The following RASGEF1C variants were observed in gnomAD, a reference collection of about 807,000 sequenced individuals.
RASGEF1C encodes ras-GEF domain-containing family member 1C.
RASGEF1C carries 27 observed loss-of-function variants against 58.1 expected under a neutral mutation model. The ratio of observed to expected loss-of-function variants is 0.46; its 90% CI spans 0.34 to 0.64. RASGEF1C has a LOEUF of 0.64. Among genes scored for constraint, RASGEF1C ranks in the 30% least tolerant of loss-of-function variants. The pLI is 0.01. For missense variants in RASGEF1C, 502 were observed against 605.1 expected (o/e 0.83, Z 1.79); for synonymous variants, 243 against 246.3 (o/e 0.99, Z 0.13).
chr5:180,138,247 A>G (rs763400820), intron 1 of RASGEF1C, 189 bp from the exon 2 acceptor site: 83 of 456,600 alleles, frequency 1.8e-4, no homozygotes, highest in Non-Finnish European at 1.5e-4. Flanking sequence ...CACAGCCTTC[A>G]TTCTCCGTCT....
intron 1 of RASGEF1C, among the ~76,000 whole-genome samples, chr5:180,186,747 A>T (rs1420923680): frequency 6.6e-6 from 1 of 152,176 alleles, no homozygotes; most frequent in African/African-American, 2.4e-5. Context: ...GGGCTGGATC[A>T]GTTGAGGTCA....
At position 180,151,971 on chromosome 5, in the gene RASGEF1C, C is replaced by G. The variant is rs550048924; in HGVS notation, c.-6-13913G>C. On this transcript the variant is annotated intron_variant, in intron 1 of 13. Transcript: ENST00000361132. ...CAGCCAAAAGACACATGAAAAAATGCTCATCATCACTGGCTATCAGAGAAA... is the reference window on the plus strand; with the variant it reads ...CAGCCAAAAGACACATGAAAAAATGGTCATCATCACTGGCTATCAGAGAAA... Among the ~76,000 whole-genome samples, 13 of 151,038 alleles carry G rather than the reference C, an allele frequency of 8.6e-5. 1 individual carries two copies. The highest frequency in any genetic ancestry group is 3.1e-4 in the African/African-American group (13 of 41,516).
At chr5:180,181,973 A>G (rs1283199115) in intron 1 of RASGEF1C, among the ~76,000 whole-genome samples, 1 of 150,984 alleles carries the variant, frequency 6.6e-6, no homozygotes, top group Non-Finnish European at 1.5e-5. Context: ...GGAGGCCGAG[A>G]CGGGCGGATC....
At chr5:180,130,572 C>G (rs946605547) in intron 4 of RASGEF1C, among the ~76,000 whole-genome samples, 1 of 152,228 alleles carries the variant, frequency 6.6e-6, no homozygotes, top group African/African-American at 2.4e-5. Context: ...GGCTGCCACT[C>G]CCATCAGTCA....
rs184006380 is a variant in RASGEF1C, at chr5:180,135,777, T to A, written c.438+601A>T. 2.4e-4 allele frequency among the ~76,000 whole-genome samples: 37 copies of A among 152,360 alleles called. No individual in the cohort carries two copies. The South Asian group carries it at 6.2e-3, about 26-fold the overall frequency. ...GGTTCCTGAGGGCAAGGGCCGTGTTTACCTGGTGTGGTTTAACTGCAGGGG... is the reference window on the plus strand; with the variant it reads ...GGTTCCTGAGGGCAAGGGCCGTGTTAACCTGGTGTGGTTTAACTGCAGGGG... On this transcript the variant is annotated intron_variant, in intron 4 of 13. Coordinates refer to ENST00000361132, the MANE Select transcript of RASGEF1C (RefSeq NM_175062.4).
intron 1 of RASGEF1C, among the ~76,000 whole-genome samples, chr5:180,175,242 G>A (rs1581120803): frequency 1.3e-5 from 2 of 152,192 alleles, no homozygotes; most frequent in South Asian, 4.1e-4. Context: ...CCCAGCGCCG[G>A]GGAAAGGCGT....
At chr5:180,116,973 G>T (rs1232177329) in intron 10 of RASGEF1C, among the ~76,000 whole-genome samples, 1 of 152,250 alleles carries the variant, frequency 6.6e-6, no homozygotes, top group African/African-American at 2.4e-5. Flanking sequence ...CTGCTGATCT[G>T]GGAATTGGCA....
intron 4 of RASGEF1C, among the ~76,000 whole-genome samples, chr5:180,133,770 C>T (rs1325939951): frequency 2.0e-5 from 3 of 151,500 alleles, no homozygotes; most frequent in Non-Finnish European, 2.9e-5. Flanking sequence ...GCATGGTAAC[C>T]ATTCTTCACT....
rs954795913 is a variant in RASGEF1C, at chr5:180,155,911, C to A, written c.-6-17853G>T. Reference sequence around the variant, plus strand: ...GGAGTCCTGGCCAAGAGGGCACTGTCCCCCCCTCACTGCTGAGCAAGCAAG... The same window carrying A: ...GGAGTCCTGGCCAAGAGGGCACTGTACCCCCCTCACTGCTGAGCAAGCAAG... On this transcript the variant is annotated intron_variant, in intron 1 of 13. Coordinates refer to ENST00000361132, the MANE Select transcript of RASGEF1C (RefSeq NM_175062.4). This position sits in a 1 kb window ranked among gnomAD's most constrained non-coding sequence, Gnocchi z 5.2. Among the ~76,000 whole-genome samples the A allele has an allele frequency of 3.3e-5, 5 of 152,058 alleles. No homozygotes were observed. Among genetic ancestry groups the A allele is most frequent in the Non-Finnish European group, 7.4e-5 (5 of 68,000 alleles).
rs773606879 is a variant in RASGEF1C, at chr5:180,198,383, C to A, written c.-7+10645G>T. Among the ~76,000 whole-genome samples the A allele has an allele frequency of 1.3e-5, 2 of 152,224 alleles. No homozygotes were observed. The highest frequency in any genetic ancestry group is 2.9e-5 in the Non-Finnish European group (2 of 68,038). On this transcript the variant is annotated intron_variant, in intron 1 of 13. Transcript: ENST00000361132. This position sits in a 1 kb window ranked among gnomAD's most constrained non-coding sequence, Gnocchi z 4.5. Reference sequence around the variant, plus strand: ...TCTGGTGTCTGAGGCCCAGAGCAATCCTAGGACTGTAAGAGTCTCCCAGAG... The same window carrying A: ...TCTGGTGTCTGAGGCCCAGAGCAATACTAGGACTGTAAGAGTCTCCCAGAG...
rs548656422 is a variant in RASGEF1C at position 180,111,956 on chromosome 5, G to T, written c.1180-376C>A. On this transcript the variant is annotated intron_variant, in intron 11 of 13. Coordinates refer to ENST00000361132, the MANE Select transcript of RASGEF1C (RefSeq NM_175062.4). Reference sequence around the variant, plus strand: ...CACATGTATTTAATTTTTAAAAAAGGTGCCAACTTTAAATAAAGAGCAGTG... The same window carrying T: ...CACATGTATTTAATTTTTAAAAAAGTTGCCAACTTTAAATAAAGAGCAGTG... Among the ~76,000 whole-genome samples, 3 of 152,204 alleles carry T rather than the reference G, an allele frequency of 2.0e-5. No homozygotes were observed. In the East Asian group the frequency reaches 5.8e-4, roughly 29 times the overall value.
intron 1 of RASGEF1C, among the ~76,000 whole-genome samples, chr5:180,144,522 C>T (rs893890843): frequency 1.9e-4 from 29 of 152,016 alleles, no homozygotes; most frequent in South Asian, 8.3e-4. Flanking sequence ...ACCTGTAGTC[C>T]GAGCTACTTG....
rs1244052757 is a variant in RASGEF1C at position 180,158,740 on chromosome 5, C to T, written c.-6-20682G>A. ...CACAAGGACGCACCTTGACACGGGC[C>T]TTTCTATGTCCCTCGTGTGGAGCAC... is the stretch of plus-strand genomic sequence containing the variant. On this transcript the variant is annotated intron_variant, in intron 1 of 13. Coordinates refer to ENST00000361132, the MANE Select transcript of RASGEF1C (RefSeq NM_175062.4). The surrounding 1 kb of genome is among the most constrained non-coding windows in gnomAD (Gnocchi z 4.0). Among the ~76,000 whole-genome samples, 1 of 152,180 alleles carries T rather than the reference C, an allele frequency of 6.6e-6. No individual in the cohort carries two copies. The highest frequency in any genetic ancestry group is 2.4e-5 in the African/African-American group (1 of 41,434).
At chr5:180,142,053 C>T (rs535231662) in intron 1 of RASGEF1C, among the ~76,000 whole-genome samples, 4 of 152,202 alleles carry the variant, frequency 2.6e-5, no homozygotes, top group South Asian at 2.1e-4. Context: ...GTTTTGTGCA[C>T]GTGGCCTGAA....
At chr5:180,135,251 T>A (rs1766452074) in intron 4 of RASGEF1C, 1 of 152,294 alleles carries the variant, frequency 6.6e-6, no homozygotes, top group African/African-American at 2.4e-5. Flanking sequence ...TGCTCAGTTC[T>A]GAGTCACTTG....
rs1561730761 is a variant in RASGEF1C at position 180,112,907 on chromosome 5, G to GGGGA, written c.1180-1328_1180-1327insTCCC. On this transcript the variant is annotated intron_variant, in intron 11 of 13. Coordinates refer to ENST00000361132, the MANE Select transcript of RASGEF1C (RefSeq NM_175062.4). Reference sequence around the variant, plus strand: ...GGGACCGGGGATGGACGGAGGGACCGTGGATGGACAGAGGGATCCGGGATG... The same window carrying GGGGA: ...GGGACCGGGGATGGACGGAGGGACCGGGGATGGATGGACAGAGGGATCCGGGATG... 9.6e-5 allele frequency among the ~76,000 whole-genome samples: 14 copies of GGGGA among 146,146 alleles called. 3 individuals are homozygous for GGGGA. The East Asian group carries it at 2.1e-3, about 22-fold the overall frequency.
chr5:180,171,514 G>A (rs1040122231), intron 1 of RASGEF1C, among the ~76,000 whole-genome samples: 16 of 152,118 alleles, frequency 1.1e-4, no homozygotes, highest in Non-Finnish European at 1.8e-4. Flanking sequence ...ACTGTCACAC[G>A]TGTGGATTGT....
At chr5:180,122,517 G>A (rs1025483886) in intron 6 of RASGEF1C, among the ~76,000 whole-genome samples, 17 of 152,180 alleles carry the variant, frequency 1.1e-4, no homozygotes, top group African/African-American at 3.9e-4. Context: ...AAGGTGGGTG[G>A]ATCACCTGAG....
At position 180,121,438 on chromosome 5, in the gene RASGEF1C, C is replaced by T. The variant is rs187438189; in HGVS notation, c.715-289G>A. Among the ~76,000 whole-genome samples, 610 of 152,108 alleles carry T rather than the reference C, an allele frequency of 4.0e-3. 3 individuals carry two copies. Among genetic ancestry groups the T allele is most frequent in the Middle Eastern group, 6.8e-3 (2 of 294 alleles). ...ACGCCACTCTCCTGCCTCAGCCTCC[C>T]GAGTAGGTGGGACTACAGGCGCCCG... On this transcript the variant is annotated intron_variant, in intron 6 of 13. Transcript: ENST00000361132.
Sources: gnomAD v4.1 joint callset for allele counts (sites outside exome capture counted in the v4.1 genomes callset) on GRCh38, gnomAD v4.1.1 for gene constraint, Gnocchi (gnomAD v3.1) non-coding constraint, MANE v1.5 for transcripts, NCBI Gene and HGNC (gene_info 2026-07-23, HGNC 2026-07-21) for gene names.